The following ATF3 variants were observed in gnomAD, a reference collection of about 807,000 sequenced individuals.
The protein encoded by ATF3 is activating transcription factor 3, also known as cyclic AMP-dependent transcription factor ATF-3.
ATF3 carries 10 observed loss-of-function variants against 18.4 expected under a neutral mutation model. The observed-to-expected ratio is 0.54, with a 90% CI of 0.34 to 0.92. The LOEUF (loss-of-function observed/expected upper bound fraction) is 0.92, where lower values mean the gene tolerates loss of function less well. ATF3 is among the 40% of genes least tolerant of loss of function. The probability of loss-of-function intolerance (pLI) is 0.02; values close to 1 mark genes in which losing one functional copy is unlikely to be tolerated. For missense variants in ATF3, 183 were observed against 222.3 expected (o/e 0.82, Z 1.12); for synonymous variants, 78 against 87.9 (o/e 0.89, Z 0.63).
rs74138384 is a variant in ATF3, at chr1:212,584,857, A to T, written c.-5+19374A>T. On this transcript the variant is annotated intron_variant, in intron 1 of 3. Transcript: ENST00000366981. ...CAAGTACGGCTCCCGGGCCACCTGGATGGAACCTTTGTGGGAACTTTCTGG... is the reference window on the plus strand; with the variant it reads ...CAAGTACGGCTCCCGGGCCACCTGGTTGGAACCTTTGTGGGAACTTTCTGG... Among the ~76,000 whole-genome samples the T allele has an allele frequency of 4.8e-3, 725 of 152,218 alleles. 9 individuals carry two copies. The highest frequency in any genetic ancestry group is 0.017 in the African/African-American group (692 of 41,526).
At chr1:212,615,396 T>C (rs1181753907) in intron 2 of ATF3, 135 bp downstream of exon 2, 4 of 1,143,942 alleles carry the variant, frequency 3.5e-6, no homozygotes, top group African/African-American at 1.6e-5. Context: ...GAGCTTACCT[T>C]CTCCTGGGAG....
At chr1:212,607,564 G>C (rs1238252507), upstream of ATF3, among the ~76,000 whole-genome samples, 1 of 152,250 alleles carries the variant, frequency 6.6e-6, no homozygotes, top group African/African-American at 2.4e-5. Flanking sequence ...CCGCCACCCT[G>C]GCTTGAGGGC....
chr1:212,588,463 T>C (rs1664819972), intron 1 of ATF3, among the ~76,000 whole-genome samples: 1 of 152,106 alleles, frequency 6.6e-6, no homozygotes, highest in Admixed American at 6.5e-5. Context: ...TTGGAGTCTC[T>C]TTTTAGCGCC....
chr1:212,610,853 C>T (rs1034751885), intron 1 of ATF3, among the ~76,000 whole-genome samples: 2 of 152,172 alleles, frequency 1.3e-5, no homozygotes, highest in Non-Finnish European at 2.9e-5. Flanking sequence ...AATGAGCAGT[C>T]GGTGGGTGTT....
intron 1 of ATF3, among the ~76,000 whole-genome samples, chr1:212,570,113 A>G (rs1007812840): frequency 1.4e-5 from 2 of 142,194 alleles, no homozygotes; most frequent in Non-Finnish European, 3.2e-5. Flanking sequence ...TGTAAAATAT[A>G]CCAACAAAGA....
Position 212,618,714 on chromosome 1 carries a change from G to A in ATF3, c.348+480G>A, listed in dbSNP as rs1348523991. ...CCTAACTCTAGAGCCCTTCTCCCTG[G>A]CTTAGCCAGTAAGCTGAGCCCCTGG... On this transcript the variant is annotated intron_variant, in intron 3 of 3. Transcript: ENST00000341491. The surrounding 1 kb of genome is among the most constrained non-coding windows in gnomAD (Gnocchi z 4.4). The A allele has an allele frequency of 2.1e-6, 1 of 469,402 alleles. No homozygotes were observed. The allele number at this position is 469,402 out of a possible 1,614,324, so 29.1% of individuals were successfully genotyped here.
chr1:212,580,327 C>CTT (rs113977243), intron 1 of ATF3, among the ~76,000 whole-genome samples: 11,502 of 145,806 alleles, frequency 0.079, 984 homozygotes, highest in African/African-American at 0.22. Context: ...CAAATTTCCA[C>CTT]TTTTTTTTTT....
At chr1:212,579,310 G>C (rs1352690077) in intron 1 of ATF3, among the ~76,000 whole-genome samples, 1 of 152,072 alleles carries the variant, frequency 6.6e-6, no homozygotes, top group African/African-American at 2.4e-5. Flanking sequence ...CAGACTTCTG[G>C]AGCCTTTTTA....
intron 1 of ATF3, among the ~76,000 whole-genome samples, chr1:212,609,375 T>TGGGGGGGGGGGGG (rs1192833712): frequency 1.5e-5 from 1 of 67,232 alleles, no homozygotes. Flanking sequence ...CCTTCCCGGG[T>TGGGGGGGGGGGGG]GGGGGGGGGG....
rs115262301 is a variant in ATF3 at position 212,590,597 on chromosome 1, C to T, written c.-4-24421C>T. Among the ~76,000 whole-genome samples, 1,025 of 152,118 alleles carry T rather than the reference C, an allele frequency of 6.7e-3. 13 individuals are homozygous for T. The highest frequency in any genetic ancestry group is 0.024 in the African/African-American group (976 of 41,456). ...CCTTATAATCTGATTTCTTTTATCT[C>T]GTGCATATATTACTTCAATTTTTAA... On this transcript the variant is annotated intron_variant, in intron 1 of 3. Transcript: ENST00000366981.
At position 212,615,200 on chromosome 1, in the gene ATF3, C is replaced by G. The variant is rs764221779; in HGVS notation, c.179C>G (p.Ser60Cys). 3 of 1,614,096 alleles carry G rather than the reference C, an allele frequency of 1.9e-6. No homozygotes were observed. The highest frequency in any genetic ancestry group is 1.7e-5 in the Admixed American group (1 of 60,010). ...QNKHLCHRMS[S>C]ALESVTVSDR... ...AAGCACCTCTGCCACCGGATGTCCTCTGCGCTGGAATCAGTCACTGTCAGC... is the reference window on the plus strand; with the variant it reads ...AAGCACCTCTGCCACCGGATGTCCTGTGCGCTGGAATCAGTCACTGTCAGC... The change falls in exon 2 of 4, where the codon TCT becomes TGT. Residue 60 changes from serine (S) to cysteine (C), a missense_variant. Coordinates refer to ENST00000341491, the MANE Select transcript of ATF3 (RefSeq NM_001674.4).
chr1:212,565,853 A>G (rs1036057601), intron 1 of ATF3, among the ~76,000 whole-genome samples: 5 of 152,182 alleles, frequency 3.3e-5, no homozygotes, highest in African/African-American at 1.2e-4. Flanking sequence ...ACCACTAGTC[A>G]GTGCTGTAGT....
At chr1:212,617,454 G>C (rs112862261) in intron 2 of ATF3, among the ~76,000 whole-genome samples, 2,785 of 152,286 alleles carry the variant, frequency 0.018, 48 homozygotes, top group Non-Finnish European at 0.025. Flanking sequence ...TTACTCAACT[G>C]GCATGATTGC....
chr1:212,617,946 CGTGTGTGTGTGTGT>C (rs3839030), intron 2 of ATF3, among the ~76,000 whole-genome samples, 167 bp from the exon 3 acceptor site: 11 of 150,128 alleles, frequency 7.3e-5, no homozygotes, highest in African/African-American at 2.7e-4. Flanking sequence ...TGTGTGTGTG[CGTGTGTGTGTGTGT>C]GTGTGTAGGG....
rs529304572 is a variant in ATF3 at position 212,570,614 on chromosome 1, A to G, written c.-5+5131A>G. Reference sequence around the variant, plus strand: ...GGAAAGCTCCCTCGTGTTCTCTCCCAGCTGGTCCTCACTCCTACTCTACCC... The same window carrying G: ...GGAAAGCTCCCTCGTGTTCTCTCCCGGCTGGTCCTCACTCCTACTCTACCC... On this transcript the variant is annotated intron_variant, in intron 1 of 3. Coordinates refer to the ATF3 transcript ENST00000366981. Among the ~76,000 whole-genome samples, 6 of 152,316 alleles carry G rather than the reference A, an allele frequency of 3.9e-5. 2 individuals are homozygous for G. Among genetic ancestry groups the G allele is most frequent in the African/African-American group, 1.4e-4 (6 of 41,570 alleles).
In ATF3 at chr1:212,619,437, T is replaced by C. The variant is rs1325496631; in HGVS notation, c.428T>C (p.Ile143Thr). Reference sequence around the variant, plus strand: ...CTCAAGAACGAGAAGCAGCATTTGATATACATGCTCAACCTTCATCGGCCC... The same window carrying C: ...CTCAAGAACGAGAAGCAGCATTTGACATACATGCTCAACCTTCATCGGCCC... ...EELKNEKQHLIYMLNLHRPTC... is the reference protein window; with the variant it reads ...EELKNEKQHLTYMLNLHRPTC... The change falls in exon 4 of 4, where the codon ATA becomes ACA. Residue 143 changes from isoleucine (I) to threonine (T), a missense_variant. Ile to Thr is a moderately conservative substitution (Grantham distance 89). Coordinates refer to ENST00000341491, the MANE Select transcript of ATF3 (RefSeq NM_001674.4). The surrounding 1 kb of genome is among the most constrained non-coding windows in gnomAD (Gnocchi z 4.4). 6.2e-7 allele frequency: 1 copy of C among 1,614,168 alleles called. No individual in the cohort carries two copies. The highest frequency in any genetic ancestry group is 2.2e-5 in the East Asian group (1 of 44,880).
At position 212,570,084 on chromosome 1, in the gene ATF3, T is replaced by C. The variant is rs140073628; in HGVS notation, c.-5+4601T>C. Among the ~76,000 whole-genome samples the C allele has an allele frequency of 5.2e-3, 794 of 152,228 alleles. 7 individuals carry two copies. Among genetic ancestry groups the C allele is most frequent in the African/African-American group, 0.018 (754 of 41,570 alleles). On this transcript the variant is annotated intron_variant, in intron 1 of 3. Coordinates refer to the ATF3 transcript ENST00000366981. ...GTTGGAATCTTAATATCTGCAGTGA[T>C]TTAAAATGTTTTATAATATGTAAAA...
chr1:212,578,288 G>A (rs146317633), intron 1 of ATF3, among the ~76,000 whole-genome samples: 1 of 152,248 alleles, frequency 6.6e-6, no homozygotes, highest in East Asian at 1.9e-4. Flanking sequence ...TTACATTAGA[G>A]TTGGTATCTA....
At chr1:212,583,746 C>A (rs1664727700) in intron 1 of ATF3, among the ~76,000 whole-genome samples, 1 of 152,138 alleles carries the variant, frequency 6.6e-6, no homozygotes, top group South Asian at 2.1e-4. Context: ...CCCCTCAGGG[C>A]ACAGAGGAGG....
Sources: allele counts gnomAD v4.1 joint callset (sites outside exome capture counted in the v4.1 genomes callset), GRCh38; gene constraint gnomAD v4.1.1; non-coding constraint Gnocchi (gnomAD v3.1); transcripts MANE v1.5; gene names NCBI Gene and HGNC (gene_info 2026-07-23, HGNC 2026-07-21).